Variants in INTS5 observed in about 807,000 individuals in gnomAD.
The protein encoded by INTS5 is integrator complex subunit 5.
In INTS5, 29 loss-of-function variants were observed where a neutral mutation model predicts 60.0. That is an observed-to-expected ratio of 0.48 (90% CI 0.36 to 0.66). The LOEUF is 0.66. Ranked by LOEUF, INTS5 falls within the 30% of genes least tolerant of loss-of-function variation. The pLI is 0.00. For missense variants in INTS5, 1,129 were observed against 1,307.9 expected (o/e 0.86, Z 2.11); for synonymous variants, 588 against 558.8 (o/e 1.05, Z -0.74).
chr11:62,647,229 G>A lies in INTS5; in HGVS notation c.2851C>T (p.Arg951Trp), dbSNP rs769056096. Residue 951 changes from arginine to tryptophan, a missense_variant, in exon 2 of 2, where the codon CGG (arginine) becomes TGG (tryptophan). Arg to Trp is a moderately radical substitution (Grantham distance 101, BLOSUM62 -3). This residue lies in a region of INTS5 where 1,070 missense variants were observed against 1,246.1 expected (regional missense o/e 0.86). Coordinates refer to ENST00000330574, the MANE Select transcript of INTS5 (RefSeq NM_030628.2). ...TTCTGAGGCAAGGGCCCATGCTCCC[G>A]GAGAAAACCCCAGACACTGAGCAGC... ...LLLLSVWGFL[R>W]EHGPLPQKFI... 5.6e-6 allele frequency: 9 copies of A among 1,614,208 alleles called. No individual in the cohort carries two copies. The highest frequency in any genetic ancestry group is 4.0e-5 in the African/African-American group (3 of 75,058).
chr11:62,647,841 A>C lies in INTS5; in HGVS notation c.2239T>G (p.Ser747Ala). ...AAVPGPGGIWSVFHAGVIGRG... is the reference protein window; with the variant it reads ...AAVPGPGGIWAVFHAGVIGRG... ...CCGATGACTCCAGCATGGAAAACTG[A>C]CCAAATCCCTCCAGGACCTGGCACA... is the stretch of plus-strand genomic sequence containing the variant. Residue 747 changes from serine (S) to alanine (A), a missense_variant, in exon 2 of 2, where the codon TCA becomes GCA. This residue lies in a region of INTS5 where 1,070 missense variants were observed against 1,246.1 expected (regional missense o/e 0.86). Transcript: ENST00000330574. The C allele has an allele frequency of 6.2e-7, 1 of 1,614,228 alleles. No individual in the cohort carries two copies. The highest frequency in any genetic ancestry group is 1.6e-4 in the Middle Eastern group (1 of 6,062).
rs747832179 is a variant in INTS5 at position 62,647,532 on chromosome 11, G to A, written c.2548C>T (p.Arg850Cys). 7 of 1,612,564 alleles carry A rather than the reference G, an allele frequency of 4.3e-6. No homozygotes were observed. Among genetic ancestry groups the A allele is most frequent in the Admixed American group, 1.7e-5 (1 of 59,950 alleles). Reference protein sequence around the residue: ...TVERDLRIGRRFREQPLLFEL... With the variant: ...TVERDLRIGRCFREQPLLFEL... Reference sequence around the variant, plus strand: ...AAGAGCAGGGGCTGTTCGCGGAAGCGCCGGCCAATGCGGAGATCCCGCTCC... The same window carrying A: ...AAGAGCAGGGGCTGTTCGCGGAAGCACCGGCCAATGCGGAGATCCCGCTCC... Residue 850 changes from arginine (R) to cysteine (C), a missense_variant, in exon 2 of 2, where the codon CGC (arginine) becomes TGC (cysteine). Physicochemically the swap from Arg to Cys is radical, Grantham distance 180. Around this residue, in one of 3 missense-constraint regions of INTS5, gnomAD observed 1,070 missense variants for 1,246.1 expected, o/e 0.86. Coordinates refer to ENST00000330574, the MANE Select transcript of INTS5 (RefSeq NM_030628.2).
intron 1 of INTS5, among the ~76,000 whole-genome samples, chr11:62,652,620 T>C (rs1944605094): frequency 6.6e-6 from 1 of 152,078 alleles, no homozygotes; most frequent in Non-Finnish European, 1.5e-5. Flanking sequence ...CTAAAACATA[T>C]ATGGGTTCAG....
rs374494704 is a variant in INTS5 at position 62,651,836 on chromosome 11, CTG to C, written c.80+1332_80+1333del. On this transcript the variant is annotated intron_variant, in intron 1 of 1. Transcript: ENST00000330574. ...CAAAATCACACCACTGCACCCCAGACTGTGTGCGCCGTCAAAAAAAAGAACGA... is the reference window on the plus strand; with the variant it reads ...CAAAATCACACCACTGCACCCCAGACTGTGCGCCGTCAAAAAAAAGAACGA... Among the ~76,000 whole-genome samples, 36 of 152,222 alleles carry C rather than the reference CTG, an allele frequency of 2.4e-4. No homozygotes were observed. The South Asian group carries it at 5.0e-3, about 21-fold the overall frequency.
chr11:62,653,028 TC>T (rs1322533472), intron 1 of INTS5, 141 bp downstream of exon 1: 1 of 500,048 alleles, frequency 2.0e-6, no homozygotes, highest in Admixed American at 4.4e-5. Context: ...GGTGAAGCAG[TC>T]CCTGAGTTCT....
At chr11:62,653,138 G>T in intron 1 of INTS5, 32 bp downstream of exon 1, 2 of 1,216,032 alleles carry the variant, frequency 1.6e-6, no homozygotes, top group Non-Finnish European at 2.1e-6. Flanking sequence ...GGGGCCGCGC[G>T]ATGGGGGGAA....
chr11:62,649,137 G>A lies in INTS5; in HGVS notation c.943C>T (p.Arg315Ter). ...CCTGCCAGGCTATCATGGAACATTCGCAGGAGCTCCCGTCGGATGCTATCT... is the reference window on the plus strand; with the variant it reads ...CCTGCCAGGCTATCATGGAACATTCACAGGAGCTCCCGTCGGATGCTATCT... Reference protein sequence around the residue: ...HGDSIRRELLRMFHDSLAGGS... With the variant: ...HGDSIRRELL The change falls in exon 2 of 2, where the codon CGA becomes TGA. Residue 315 changes from arginine (R) to a stop codon, truncating the protein, a stop_gained. Transcript: ENST00000330574. LOFTEE classifies it high-confidence loss of function. The surrounding 1 kb of genome is among the most constrained non-coding windows in gnomAD (Gnocchi z 6.0). 6.2e-7 allele frequency: 1 copy of A among 1,612,960 alleles called. No individual in the cohort carries two copies. The highest frequency in any genetic ancestry group is 1.7e-5 in the Admixed American group (1 of 60,012).
intron 1 of INTS5, among the ~76,000 whole-genome samples, chr11:62,652,436 G>A (rs1419156975): frequency 7.6e-6 from 1 of 132,218 alleles, no homozygotes; most frequent in Admixed American, 7.8e-5. Flanking sequence ...AAAAAAAATT[G>A]TAAGCACCTT....
Position 62,647,965 on chromosome 11 carries a change from A to C in INTS5, c.2115T>G (p.Phe705Leu), listed in dbSNP as rs753873706. ...GALHRGNTEL[F>L]GGQVDGDNET... is the part of the protein sequence containing the mutation. Reference sequence around the variant, plus strand: ...CATTGTCCCCATCTACTTGCCCACCAAACAGTTCTGTGTTGCCTCGATGTA... The same window carrying C: ...CATTGTCCCCATCTACTTGCCCACCCAACAGTTCTGTGTTGCCTCGATGTA... Residue 705 changes from phenylalanine to leucine, a missense_variant, in exon 2 of 2, where the codon TTT (phenylalanine) becomes TTG (leucine). Coordinates refer to ENST00000330574, the MANE Select transcript of INTS5 (RefSeq NM_030628.2). 1 of 1,614,188 alleles carries C rather than the reference A, an allele frequency of 6.2e-7. No individual in the cohort carries two copies. The highest frequency in any genetic ancestry group is 8.5e-7 in the Non-Finnish European group (1 of 1,180,034).
Position 62,647,947 on chromosome 11 carries a change from C to G in INTS5, c.2133G>C (p.Gly711=), listed in dbSNP as rs750028859. 6.2e-7 allele frequency: 1 copy of G among 1,614,180 alleles called. No individual in the cohort carries two copies. The highest frequency in any genetic ancestry group is 8.5e-7 in the Non-Finnish European group (1 of 1,180,034). ...NTELFGGQVD[G]DNETLSVVSA... ...AAACAACTGAGAGAGTCTCATTGTC[C>G]CCATCTACTTGCCCACCAAACAGTT... The change falls in exon 2 of 2, where the codon GGG becomes GGC. Residue 711 remains glycine (G), a synonymous_variant. Transcript: ENST00000330574.
Position 62,647,987 on chromosome 11 carries a change from T to C in INTS5, c.2093A>G (p.His698Arg), listed in dbSNP as rs747193780. The change falls in exon 2 of 2, where the codon CAT becomes CGT. Residue 698 changes from histidine (H) to arginine (R), a missense_variant. Physicochemically the swap from His to Arg is conservative, Grantham distance 29. Around this residue, in one of 3 missense-constraint regions of INTS5, gnomAD observed 1,070 missense variants for 1,246.1 expected, o/e 0.86. Transcript: ENST00000330574. ...VLQLLVEGAL[H>R]RGNTELFGGQ... is the part of the protein sequence containing the mutation. ...ACCAAACAGTTCTGTGTTGCCTCGA[T>C]GTAAGGCTCCTTCAACCAGCAGCTG... 13 of 1,614,050 alleles carry C rather than the reference T, an allele frequency of 8.1e-6. 1 individual carries two copies. In the South Asian group the frequency reaches 1.1e-4, roughly 14 times the overall value.
chr11:62,649,384 G>A lies in INTS5; in HGVS notation c.696C>T (p.Ser232=), dbSNP rs1454488068. ...HFDWVVAHIG[S]SFPGTIISRV... ...GGGAAATGATGGTGCCAGGAAAAGAGGAGCCAATATGTGCCACAACCCAGT... is the reference window on the plus strand; with the variant it reads ...GGGAAATGATGGTGCCAGGAAAAGAAGAGCCAATATGTGCCACAACCCAGT... Residue 232 remains serine, a synonymous_variant, in exon 2 of 2, where the codon TCC becomes TCT. Coordinates refer to ENST00000330574, the MANE Select transcript of INTS5 (RefSeq NM_030628.2). The surrounding 1 kb of genome is among the most constrained non-coding windows in gnomAD (Gnocchi z 6.0). 5 of 1,614,098 alleles carry A rather than the reference G, an allele frequency of 3.1e-6. No homozygotes were observed. Among genetic ancestry groups the A allele is most frequent in the Non-Finnish European group, 4.2e-6 (5 of 1,180,042 alleles).
Position 62,649,802 on chromosome 11 carries a change from T to C in INTS5, c.278A>G (p.Asp93Gly). 6.2e-7 allele frequency: 1 copy of C among 1,614,082 alleles called. No homozygotes were observed. Among genetic ancestry groups the C allele is most frequent in the Non-Finnish European group, 8.5e-7 (1 of 1,179,988 alleles). Residue 93 changes from aspartate (D) to glycine (G), a missense_variant, in exon 2 of 2, where the codon GAT becomes GGT. Physicochemically the swap from Asp to Gly is moderately conservative, Grantham distance 94. Around this residue, in one of 3 missense-constraint regions of INTS5, gnomAD observed 1,070 missense variants for 1,246.1 expected, o/e 0.86. Coordinates refer to ENST00000330574, the MANE Select transcript of INTS5 (RefSeq NM_030628.2). The surrounding 1 kb of genome is among the most constrained non-coding windows in gnomAD (Gnocchi z 6.0). Reference sequence around the variant, plus strand: ...AGGTGGACCAGCCACAGGGGTTTCATCCAGGGCAGCCAGGTGGGCCCGGAC... The same window carrying C: ...AGGTGGACCAGCCACAGGGGTTTCACCCAGGGCAGCCAGGTGGGCCCGGAC... ...ESVRAHLAAL[D>G]ETPVAGPPHL...
rs140260986 is a variant in INTS5, at chr11:62,647,613, C to T, written c.2467G>A (p.Asp823Asn). 29 of 1,613,898 alleles carry T rather than the reference C, an allele frequency of 1.8e-5. No homozygotes were observed. The African/African-American group carries it at 2.9e-4, about 16-fold the overall frequency. ...AVTLVESVCP[D>N]AAGAELAWPP... Reference sequence around the variant, plus strand: ...CAGGCCAGCTCTGCACCAGCTGCATCGGGACACACACTCTCCACCAAGGTC... The same window carrying T: ...CAGGCCAGCTCTGCACCAGCTGCATTGGGACACACACTCTCCACCAAGGTC... Residue 823 changes from aspartate (D) to asparagine (N), a missense_variant, in exon 2 of 2, where the codon GAT becomes AAT. Transcript: ENST00000330574.
Position 62,647,582 on chromosome 11 carries a change from G to C in INTS5, c.2498C>G (p.Pro833Arg), listed in dbSNP as rs377570539. 7 of 1,613,810 alleles carry C rather than the reference G, an allele frequency of 4.3e-6. No homozygotes were observed. Among genetic ancestry groups the C allele is most frequent in the Admixed American group, 1.7e-5 (1 of 60,006 alleles). ...CACGGTGGCCCGGGCGTGTTCCTCG[G>C]GGGGCCAGGCCAGCTCTGCACCAGC... ...DAAGAELAWP[P>R]EEHARATVER... Residue 833 changes from proline (P) to arginine (R), a missense_variant, in exon 2 of 2, where the codon CCC becomes CGC. By Grantham distance (103) the Pro-to-Arg change is moderately radical. Coordinates refer to ENST00000330574, the MANE Select transcript of INTS5 (RefSeq NM_030628.2).
chr11:62,652,055 C>T (rs1179100720), intron 1 of INTS5, among the ~76,000 whole-genome samples: 1 of 151,596 alleles, frequency 6.6e-6, no homozygotes, highest in Non-Finnish European at 1.5e-5. Flanking sequence ...TGAGGTGCCT[C>T]ACGTCTGTAA....
intron 1 of INTS5, among the ~76,000 whole-genome samples, chr11:62,652,084 C>G (rs1380334143): frequency 6.6e-6 from 1 of 151,396 alleles, no homozygotes; most frequent in Non-Finnish European, 1.5e-5. Context: ...CTCTGGGAGG[C>G]CAAGGAGGGT....
rs1421283937 is a variant in INTS5, at chr11:62,648,378, G to A, written c.1702C>T (p.Pro568Ser). Reference protein sequence around the residue: ...LARVHAGTLQPPFTARFLRNL... With the variant: ...LARVHAGTLQSPFTARFLRNL... The stretch of plus-strand genomic sequence containing the variant: ...CGCAGGAACCGGGCCGTGAAGGGAG[G>A]CTGTAATGTCCCTGCATGCACCCGA... Residue 568 changes from proline to serine, a missense_variant, in exon 2 of 2, where the codon CCT becomes TCT. Pro to Ser is a moderately conservative substitution (Grantham distance 74, BLOSUM62 -1). Around this residue, in one of 3 missense-constraint regions of INTS5, gnomAD observed 1,070 missense variants for 1,246.1 expected, o/e 0.86. Coordinates refer to ENST00000330574, the MANE Select transcript of INTS5 (RefSeq NM_030628.2). This position sits in a 1 kb window ranked among gnomAD's most constrained non-coding sequence, Gnocchi z 4.4. The A allele has an allele frequency of 6.2e-7, 1 of 1,614,048 alleles. No homozygotes were observed. The highest frequency in any genetic ancestry group is 8.5e-7 in the Non-Finnish European group (1 of 1,180,044).
intron 1 of INTS5, 30 bp downstream of exon 1, chr11:62,653,140 T>G: frequency 8.3e-6 from 10 of 1,204,888 alleles, no homozygotes; most frequent in Non-Finnish European, 1.1e-5. Flanking sequence ...GGCCGCGCGA[T>G]GGGGGGAAGG....
Sources: allele counts gnomAD v4.1 joint callset (sites outside exome capture counted in the v4.1 genomes callset), GRCh38; gene constraint gnomAD v4.1.1; regional missense constraint gnomAD v4.1.1; non-coding constraint Gnocchi (gnomAD v3.1); transcripts MANE v1.5; gene names NCBI Gene and HGNC (gene_info 2026-07-23, HGNC 2026-07-21).